The following TENM3 variants were observed in gnomAD, a reference collection of about 807,000 sequenced individuals.
TENM3 encodes the protein teneurin transmembrane protein 3.
A neutral mutation model predicts 255.1 loss-of-function variants in TENM3; 63 were observed. The ratio of observed to expected loss-of-function variants is 0.25; its 90% CI spans 0.20 to 0.30. The LOEUF (loss-of-function observed/expected upper bound fraction) is 0.30. TENM3 is among the 10% of genes least tolerant of loss of function. The pLI, the probability that TENM3 is intolerant of heterozygous loss-of-function variation, is 1.00. For missense variants in TENM3, 2,929 were observed against 3,461.1 expected (o/e 0.85, Z 3.86); for synonymous variants, 1,306 against 1,322.3 (o/e 0.99, Z 0.27).
Position 182,679,852 on chromosome 4 carries a change from G to A in TENM3, c.1513G>A (p.Val505Met), listed in dbSNP as rs533464172. 3.7e-6 allele frequency: 6 copies of A among 1,611,918 alleles called. No individual in the cohort carries two copies. The highest frequency in any genetic ancestry group is 2.2e-5 in the East Asian group (1 of 44,864). Residue 505 changes from valine (V) to methionine (M), a missense_variant, in exon 8 of 28, where the codon GTG (valine) becomes ATG (methionine). This residue lies in a region of TENM3 where 1,608 missense variants were observed against 1,884.4 expected (regional missense o/e 0.85). Coordinates refer to ENST00000511685, the MANE Select transcript of TENM3 (RefSeq NM_001080477.4). ...TAATGATGGGAAAAATGCAGAGCAG[G>A]TGTCTTTTAATACCATTGTTATAGG... ...FYNDGKNAEQ[V>M]SFNTIVIESV...
At chr4:181,502,825 T>C in the TENM3 span, among the ~76,000 whole-genome samples, 1 of 152,144 alleles carries the variant, frequency 6.6e-6, no homozygotes, top group Non-Finnish European at 1.5e-5. Context: ...GTCAGGTAGG[T>C]GGCCTCACAG....
chr4:181,607,755 C>T, the TENM3 span, among the ~76,000 whole-genome samples: 3 of 152,130 alleles, frequency 2.0e-5, no homozygotes, highest in African/African-American at 4.8e-5. Context: ...CACTGGCCAG[C>T]GCCGCTCTAG....
chr4:181,502,758 C>A, the TENM3 span, among the ~76,000 whole-genome samples: 1 of 152,076 alleles, frequency 6.6e-6, no homozygotes, highest in South Asian at 2.1e-4. Flanking sequence ...TGCTGGGGAG[C>A]AGTTAGCATT....
chr4:181,642,082 C>T, the TENM3 span, among the ~76,000 whole-genome samples: 2 of 151,472 alleles, frequency 1.3e-5, no homozygotes, highest in Non-Finnish European at 2.9e-5. Context: ...ATTTACACTC[C>T]CACCAACAGT....
intron 1 of TENM3, among the ~76,000 whole-genome samples, chr4:182,197,979 C>T (rs1206605465): frequency 6.6e-6 from 1 of 152,180 alleles, no homozygotes; most frequent in East Asian, 1.9e-4. Flanking sequence ...GTGGCACGTG[C>T]TTGTAATCCC....
chr4:181,876,086 T>C, the TENM3 span, among the ~76,000 whole-genome samples: 1 of 152,226 alleles, frequency 6.6e-6, no homozygotes, highest in Admixed American at 6.5e-5. Flanking sequence ...AAACATGATA[T>C]AAGACAAATA....
the TENM3 span, among the ~76,000 whole-genome samples, chr4:181,487,585 A>G: frequency 6.6e-6 from 1 of 152,148 alleles, no homozygotes; most frequent in African/African-American, 2.4e-5. Context: ...CTCTGCCCTC[A>G]TGACCTAATC....
chr4:182,583,349 G>A (rs1025442575), intron 3 of TENM3, among the ~76,000 whole-genome samples: 4 of 150,112 alleles, frequency 2.7e-5, no homozygotes, highest in African/African-American at 9.7e-5. Flanking sequence ...GTGTGTGTGT[G>A]TGTGTGTGTG....
intron 13 of TENM3, 115 bp downstream of exon 13, chr4:182,714,348 C>G: frequency 1.2e-6 from 1 of 835,436 alleles, no homozygotes; most frequent in Non-Finnish European, 1.8e-6. Flanking sequence ...AACCTGATCC[C>G]CATCGATTAG....
chr4:182,195,145 G>A (rs1753762929), intron 1 of TENM3, among the ~76,000 whole-genome samples: 1 of 152,028 alleles, frequency 6.6e-6, no homozygotes, highest in Non-Finnish European at 1.5e-5. Flanking sequence ...ACTTTTGTGA[G>A]GGCATATAAC....
intron 22 of TENM3, among the ~76,000 whole-genome samples, chr4:182,757,198 G>A (rs756328096): frequency 1.3e-5 from 2 of 151,096 alleles, no homozygotes; most frequent in Non-Finnish European, 2.9e-5. Context: ...TATAGTGCCA[G>A]CTAGTTGGGA....
At chr4:181,855,226 G>A in the TENM3 span, among the ~76,000 whole-genome samples, 2 of 152,090 alleles carry the variant, frequency 1.3e-5, no homozygotes, top group African/African-American at 4.8e-5. Context: ...CTTTCTTTGT[G>A]TTTTGGATAA....
intron 2 of TENM3, among the ~76,000 whole-genome samples, chr4:182,331,019 C>G (rs7683221): frequency 0.083 from 12,646 of 152,158 alleles, 559 homozygotes; most frequent in African/African-American, 0.11. Context: ...ATGACAATGA[C>G]AAACATATAT....
chr4:182,649,971 A>G (rs1324198193), intron 5 of TENM3, among the ~76,000 whole-genome samples: 1 of 150,586 alleles, frequency 6.6e-6, no homozygotes, highest in East Asian at 2.0e-4. Context: ...GTTTGAGGTT[A>G]ACATCCATTG....
chr4:182,027,231 A>G, the TENM3 span, among the ~76,000 whole-genome samples: 38 of 152,046 alleles, frequency 2.5e-4, no homozygotes, highest in African/African-American at 8.4e-4. Flanking sequence ...AATTTTATTG[A>G]TGGCTATTGT....
chr4:182,709,839 G>T (rs754726767), intron 12 of TENM3, among the ~76,000 whole-genome samples: 1 of 152,030 alleles, frequency 6.6e-6, no homozygotes, highest in African/African-American at 2.4e-5. Flanking sequence ...CTTACGGTTG[G>T]TTTTTAGCCT....
chr4:181,950,768 C>T, the TENM3 span, among the ~76,000 whole-genome samples: 158 of 152,324 alleles, frequency 1.0e-3, no homozygotes, highest in African/African-American at 3.6e-3. Flanking sequence ...CAACCAGACA[C>T]AGTTGCTCAT....
intron 3 of TENM3, among the ~76,000 whole-genome samples, chr4:182,541,847 C>A (rs1740909244): frequency 6.6e-6 from 1 of 151,810 alleles, no homozygotes; most frequent in South Asian, 2.1e-4. Flanking sequence ...TTGCTTGAGG[C>A]CAGGAGTTCA....
At chr4:182,106,958 G>A in the TENM3 span, among the ~76,000 whole-genome samples, 2 of 152,056 alleles carry the variant, frequency 1.3e-5, no homozygotes, top group Non-Finnish European at 2.9e-5. Context: ...ACAGTCCCAA[G>A]GATTAAGCTG....
Sources: allele counts gnomAD v4.1 joint callset (sites outside exome capture counted in the v4.1 genomes callset), GRCh38; gene constraint gnomAD v4.1.1; regional missense constraint gnomAD v4.1.1; transcripts MANE v1.5; gene names NCBI Gene and HGNC (gene_info 2026-07-23, HGNC 2026-07-21).